CDKL3: variants seen among roughly 807,000 people sequenced by gnomAD.
CDKL3 encodes the protein cyclin-dependent kinase-like 3.
In CDKL3, 65 loss-of-function variants were observed where a neutral mutation model predicts 69.3. The ratio of observed to expected loss-of-function variants is 0.94; its 90% CI spans 0.77 to 1.15. The LOEUF is 1.15. Among genes scored for constraint, CDKL3 ranks in the 50% most tolerant of loss-of-function variants. The pLI, the probability that CDKL3 is intolerant of heterozygous loss-of-function variation, is 0.00. For missense variants in CDKL3, 652 were observed against 689.2 expected (o/e 0.95, Z 0.61); for synonymous variants, 202 against 221.6 (o/e 0.91, Z 0.79).
At chr5:134,299,153 T>C (rs1765708372) in intron 12 of CDKL3, among the ~76,000 whole-genome samples, 1 of 152,220 alleles carries the variant, frequency 6.6e-6, no homozygotes, top group Admixed American at 6.5e-5. Flanking sequence ...ATTACAGGCG[T>C]GAGCCACCAT....
chr5:134,342,681 A>G (rs993062474), intron 4 of CDKL3, among the ~76,000 whole-genome samples: 2 of 152,230 alleles, frequency 1.3e-5, no homozygotes, highest in Non-Finnish European at 2.9e-5. Flanking sequence ...ACAGATTAGA[A>G]TAAGAGTTAA....
chr5:134,343,925 A>T (rs1189354270), intron 4 of CDKL3, among the ~76,000 whole-genome samples: 1 of 152,158 alleles, frequency 6.6e-6, no homozygotes, highest in African/African-American at 2.4e-5. Context: ...TTCTATCTCT[A>T]TTGCAATTCC....
chr5:134,283,483 C>T (rs560119354), downstream of CDKL3, among the ~76,000 whole-genome samples: 5 of 152,220 alleles, frequency 3.3e-5, no homozygotes, highest in Non-Finnish European at 2.9e-5. Context: ...TGCAGGATAA[C>T]GCCCCCTTGT....
At chr5:134,308,834 TA>T in intron 7 of CDKL3, 107 bp from the exon 8 acceptor site, 3 of 950,656 alleles carry the variant, frequency 3.2e-6, no homozygotes, top group Non-Finnish European at 4.5e-6. Flanking sequence ...AGCTACAGCA[TA>T]AATAATGCTA....
intron 3 of CDKL3, among the ~76,000 whole-genome samples, chr5:134,355,237 A>G (rs1401454233): frequency 9.1e-6 from 1 of 109,942 alleles, no homozygotes; most frequent in African/African-American, 4.5e-5. Context: ...TGTCTCAGGA[A>G]AAAAAAAAAA....
downstream of CDKL3, among the ~76,000 whole-genome samples, chr5:134,296,973 A>T (rs1765390818): frequency 1.8e-5 from 2 of 113,442 alleles, no homozygotes; most frequent in African/African-American, 7.0e-5. Context: ...TTTTTTTGAG[A>T]CTTGGTCTCA....
intron 3 of CDKL3, among the ~76,000 whole-genome samples, chr5:134,352,301 AT>A (rs796539156): frequency 0.14 from 19,033 of 137,268 alleles, 1,063 homozygotes; most frequent in African/African-American, 0.22. Flanking sequence ...ACTTAGGTTG[AT>A]TTTTTTTTTT....
chr5:134,337,845 C>T (rs1184728374), intron 4 of CDKL3, among the ~76,000 whole-genome samples: 2 of 152,020 alleles, frequency 1.3e-5, no homozygotes, highest in Non-Finnish European at 2.9e-5. Flanking sequence ...GGCTCTTTTC[C>T]AACTGATGTA....
chr5:134,352,621 T>C (rs1224534812), intron 3 of CDKL3, among the ~76,000 whole-genome samples: 1 of 152,016 alleles, frequency 6.6e-6, no homozygotes, highest in Non-Finnish European at 1.5e-5. Flanking sequence ...ATTTTTTATT[T>C]ATTTTTTTAA....
At chr5:134,321,260 C>T (rs751592669) in intron 5 of CDKL3, among the ~76,000 whole-genome samples, 34 of 152,032 alleles carry the variant, frequency 2.2e-4, no homozygotes, top group Non-Finnish European at 4.1e-4. Context: ...GCTCCGCCTG[C>T]CTTGGCCTCC....
At chr5:134,293,700 T>C (rs1468404637), downstream of CDKL3, among the ~76,000 whole-genome samples, 2 of 151,974 alleles carry the variant, frequency 1.3e-5, no homozygotes, top group Non-Finnish European at 2.9e-5. Context: ...CTTGGGAGGC[T>C]GAGTTGGGAG....
intron 12 of CDKL3, among the ~76,000 whole-genome samples, chr5:134,301,842 G>A (rs1480292151): frequency 1.3e-5 from 2 of 152,064 alleles, no homozygotes; most frequent in Non-Finnish European, 2.9e-5. Flanking sequence ...AGCCGAGATC[G>A]CGCCACTGCA....
intron 11 of CDKL3, 85 bp downstream of exon 11, chr5:134,304,320 T>C (rs956662530): frequency 5.4e-6 from 6 of 1,108,018 alleles, no homozygotes; most frequent in South Asian, 3.6e-5. Context: ...TCTACCTAAA[T>C]CACACTATAA....
chr5:134,341,012 G>A (rs1288317115), intron 4 of CDKL3, among the ~76,000 whole-genome samples: 1 of 152,042 alleles, frequency 6.6e-6, no homozygotes, highest in Non-Finnish European at 1.5e-5. Context: ...ATTTATTCTA[G>A]GAACACAAGG....
intron 10 of CDKL3, among the ~76,000 whole-genome samples, chr5:134,305,639 T>C (rs1767612809): frequency 6.6e-6 from 1 of 152,208 alleles, no homozygotes; most frequent in Non-Finnish European, 1.5e-5. Flanking sequence ...GATAAAATCT[T>C]GTCTAGATCA....
In CDKL3 at chr5:134,298,541, GCACATGGATGGCTGTCTTAACAACAACT is replaced by G; in HGVS notation, c.*82_*109del. On this transcript the variant is annotated 3_prime_UTR_variant, in exon 13 of 13. Transcript: ENST00000265334. ...ACAAAAAAAGCTGGATGATGCTCATGCACATGGATGGCTGTCTTAACAACAACTCACATCACACTTCTATTGTAGATAA... is the reference window on the plus strand; with the variant it reads ...ACAAAAAAAGCTGGATGATGCTCATGCACATCACACTTCTATTGTAGATAA... 1 of 1,480,584 alleles carries G rather than the reference GCACATGGATGGCTGTCTTAACAACAACT, an allele frequency of 6.8e-7. No homozygotes were observed. Among genetic ancestry groups the G allele is most frequent in the Non-Finnish European group, 8.9e-7 (1 of 1,118,872 alleles). 91.7% of individuals were successfully genotyped at this position (1,480,584 alleles called of 1,614,324 possible).
At chr5:134,371,401 G>GTGGTAGCGGCGGAGGGCGGAGGGATC, upstream of CDKL3, 1 of 733,724 alleles carries the variant, frequency 1.4e-6, no homozygotes, top group East Asian at 2.7e-5. Context: ...CACTCACACT[G>GTGGTAGCGGCGGAGGGCGGAGGGATC]TGGTAGCGGC....
intron 4 of CDKL3, among the ~76,000 whole-genome samples, chr5:134,338,646 A>G (rs1224991940): frequency 6.6e-6 from 1 of 152,218 alleles, no homozygotes; most frequent in East Asian, 1.9e-4. Flanking sequence ...CAGTGAGCCA[A>G]GATTGCCCTG....
At chr5:134,298,242 C>T (rs532153335), downstream of CDKL3, 62 of 984,978 alleles carry the variant, frequency 6.3e-5, no homozygotes, top group Non-Finnish European at 7.4e-5. Context: ...CCATGAATAG[C>T]TTTTAAAACA....
Sources: allele counts gnomAD v4.1 joint callset (sites outside exome capture counted in the v4.1 genomes callset), GRCh38; gene constraint gnomAD v4.1.1; transcripts MANE v1.5; gene names NCBI Gene and HGNC (gene_info 2026-07-23, HGNC 2026-07-21).